The following ADK variants were observed in gnomAD, a reference collection of about 807,000 sequenced individuals.
ADK encodes N6,N6-dimethyladenosine kinase.
Under a neutral mutation model 44.7 loss-of-function variants are expected in ADK, and 24 were observed. The observed-to-expected ratio is 0.54, with a 90% confidence interval of 0.39 to 0.76. The LOEUF (loss-of-function observed/expected upper bound fraction) is 0.76. ADK is among the 30% of genes least tolerant of loss of function. ADK has a pLI of 0.00. For missense variants in ADK, 321 were observed against 425.1 expected (o/e 0.76, Z 2.15); for synonymous variants, 128 against 142.6 (o/e 0.90, Z 0.73).
intron 6 of ADK, among the ~76,000 whole-genome samples, chr10:74,414,474 G>A (rs948479232): frequency 6.6e-6 from 1 of 152,146 alleles, no homozygotes; most frequent in South Asian, 2.1e-4. Flanking sequence ...GGTGGCTCAC[G>A]CCTGTAATCC....
At chr10:74,387,852 CT>C (rs1843195577) in intron 4 of ADK, among the ~76,000 whole-genome samples, 1 of 151,992 alleles carries the variant, frequency 6.6e-6, no homozygotes, top group Admixed American at 6.6e-5. Context: ...AATAGAAACC[CT>C]ATACTGTACT....
At chr10:74,594,479 T>C (rs564055641) in intron 8 of ADK, among the ~76,000 whole-genome samples, 5 of 147,604 alleles carry the variant, frequency 3.4e-5, no homozygotes, top group Non-Finnish European at 7.4e-5. Context: ...ATAGAACATA[T>C]TTTTTTAAAA....
chr10:74,200,976 G>C, intron 2 of ADK, 138 bp downstream of exon 2: 5 of 679,192 alleles, frequency 7.4e-6, no homozygotes, highest in Non-Finnish European at 1.3e-5. Context: ...GTGATAGCAA[G>C]TGTGCTATCA....
intron 1 of ADK, among the ~76,000 whole-genome samples, chr10:74,188,212 C>T (rs1221460001): frequency 1.3e-5 from 2 of 151,948 alleles, no homozygotes; most frequent in African/African-American, 4.8e-5. Context: ...TGCTGTATGT[C>T]TCCATTTGCA....
At chr10:74,251,800 G>A (rs1845660246) in intron 3 of ADK, among the ~76,000 whole-genome samples, 1 of 151,438 alleles carries the variant, frequency 6.6e-6, no homozygotes, top group African/African-American at 2.4e-5. Flanking sequence ...CATAGCTAAG[G>A]TCTGTAATTA....
At chr10:74,599,640 C>G (rs1852048622) in intron 8 of ADK, among the ~76,000 whole-genome samples, 1 of 152,154 alleles carries the variant, frequency 6.6e-6, no homozygotes, top group African/African-American at 2.4e-5. Flanking sequence ...ATTCTAAAAC[C>G]TCTGCCTTTA....
chr10:74,579,173 G>A (rs1851295278), intron 7 of ADK, among the ~76,000 whole-genome samples: 1 of 151,608 alleles, frequency 6.6e-6, no homozygotes, highest in Admixed American at 6.6e-5. Context: ...GGCAGAGGTT[G>A]CAGTGAGCTG....
At chr10:74,346,163 A>G (rs1841756593) in intron 4 of ADK, among the ~76,000 whole-genome samples, 1 of 152,234 alleles carries the variant, frequency 6.6e-6, no homozygotes. Flanking sequence ...AAGTGCTGGA[A>G]GTACAAGTAT....
intron 8 of ADK, 121 bp from the exon 9 acceptor site, chr10:74,600,258 G>A (rs1380121989): frequency 1.6e-6 from 1 of 640,104 alleles, no homozygotes; most frequent in Non-Finnish European, 2.8e-6. Flanking sequence ...AATTTTTAAT[G>A]TCTCTTAATA....
intron 4 of ADK, among the ~76,000 whole-genome samples, chr10:74,358,445 T>A (rs1842215639): frequency 6.6e-6 from 1 of 152,210 alleles, no homozygotes. Flanking sequence ...TTCTCAAAGG[T>A]ACCTACTAGA....
intron 3 of ADK, among the ~76,000 whole-genome samples, chr10:74,283,436 C>T (rs1847025531): frequency 6.6e-6 from 1 of 150,636 alleles, no homozygotes; most frequent in African/African-American, 2.4e-5. Flanking sequence ...TCCCTTTTGA[C>T]CTTGCTGGTT....
At chr10:74,456,973 C>T (rs1022094579) in intron 6 of ADK, among the ~76,000 whole-genome samples, 1 of 152,062 alleles carries the variant, frequency 6.6e-6, no homozygotes, top group South Asian at 2.1e-4. Context: ...CAAGAAATAA[C>T]TAAGATCAGA....
chr10:74,686,287 T>G (rs1855785831), intron 10 of ADK, among the ~76,000 whole-genome samples: 1 of 152,166 alleles, frequency 6.6e-6, no homozygotes, highest in Admixed American at 6.5e-5. Context: ...TAAGTCCTGG[T>G]ACCACATTAA....
chr10:74,346,064 G>A (rs985566009), intron 4 of ADK, among the ~76,000 whole-genome samples: 3 of 152,116 alleles, frequency 2.0e-5, no homozygotes, highest in Non-Finnish European at 4.4e-5. Context: ...GGCTAATTTT[G>A]TATTTTTAGT....
At chr10:74,649,219 C>CA (rs1318924209) in intron 9 of ADK, among the ~76,000 whole-genome samples, 4 of 151,420 alleles carry the variant, frequency 2.6e-5, no homozygotes, top group Non-Finnish European at 5.9e-5. Flanking sequence ...TCTCAAAAAA[C>CA]AAAAAAAGAA....
chr10:74,620,310 T>C (rs953393774), intron 9 of ADK, among the ~76,000 whole-genome samples: 8 of 152,206 alleles, frequency 5.3e-5, no homozygotes, highest in African/African-American at 1.9e-4. Context: ...CTGTTCTACT[T>C]TTTACTTCTG....
chr10:74,630,442 CTTAACATTAACACT>C (rs748056248), intron 9 of ADK, among the ~76,000 whole-genome samples: 8 of 151,458 alleles, frequency 5.3e-5, no homozygotes, highest in Non-Finnish European at 8.8e-5. Flanking sequence ...TTTTCTCCTC[CTTAACATTAACACT>C]TTTGAAGAGT....
chr10:74,533,419 G>A (rs757705506), intron 7 of ADK, among the ~76,000 whole-genome samples: 3 of 152,150 alleles, frequency 2.0e-5, no homozygotes, highest in Non-Finnish European at 4.4e-5. Context: ...AGACAATGTG[G>A]CATTGGTGTA....
At chr10:74,499,274 T>C (rs1847805693) in intron 6 of ADK, among the ~76,000 whole-genome samples, 1 of 151,976 alleles carries the variant, frequency 6.6e-6, no homozygotes, top group African/African-American at 2.4e-5. Context: ...AATACCACAA[T>C]AAACAGACTG....
Sources: gnomAD v4.1 joint callset for allele counts (sites outside exome capture counted in the v4.1 genomes callset) on GRCh38, gnomAD v4.1.1 for gene constraint, MANE v1.5 for transcripts, NCBI Gene and HGNC (gene_info 2026-07-23, HGNC 2026-07-21) for gene names.